The following DNAH7 variants were observed in gnomAD, a reference collection of about 807,000 sequenced individuals.
DNAH7 encodes axonemal beta dynein heavy chain 7.
Under a neutral mutation model 444.6 loss-of-function variants are expected in DNAH7, and 397 were observed. The ratio of observed to expected loss-of-function variants is 0.89; its 90% CI spans 0.82 to 0.97. The LOEUF is 0.97. DNAH7 is among the 50% of genes least tolerant of loss of function. The pLI is 0.00. For missense variants in DNAH7, 4,902 were observed against 4,800.8 expected (o/e 1.02, Z -0.62); for synonymous variants, 1,636 against 1,624.4 (o/e 1.01, Z -0.17).
intron 19 of DNAH7, among the ~76,000 whole-genome samples, chr2:195,946,167 A>G (rs979143743): frequency 6.6e-6 from 1 of 152,190 alleles, no homozygotes; most frequent in Non-Finnish European, 1.5e-5. Context: ...ATACAAACAA[A>G]GTGGGTAGGG....
At chr2:195,817,107 T>C (rs1298077923) in intron 50 of DNAH7, 144 bp from the exon 51 acceptor site, 1 of 626,264 alleles carries the variant, frequency 1.6e-6, no homozygotes, top group Non-Finnish European at 2.7e-6. Flanking sequence ...TGATGCCTTA[T>C]AATTAATTTC....
intron 46 of DNAH7, among the ~76,000 whole-genome samples, chr2:195,846,949 A>ATG (rs35075325): frequency 0.064 from 8,825 of 137,136 alleles, 425 homozygotes; most frequent in East Asian, 0.28. Flanking sequence ...ACTCCCATAT[A>ATG]TGTGTGTGTG....
intron 57 of DNAH7, among the ~76,000 whole-genome samples, chr2:195,790,203 C>T (rs570870948): frequency 2.0e-4 from 30 of 152,184 alleles, no homozygotes; most frequent in African/African-American, 7.0e-4. Flanking sequence ...AAAAACACTC[C>T]ATGCTCATGG....
intron 19 of DNAH7, among the ~76,000 whole-genome samples, chr2:195,948,465 T>C (rs1689978679): frequency 6.6e-6 from 1 of 152,226 alleles, no homozygotes; most frequent in African/African-American, 2.4e-5. Flanking sequence ...AGTTAATTTT[T>C]GTATAAGGTG....
chr2:195,881,241 T>C (rs1273812421), intron 36 of DNAH7, among the ~76,000 whole-genome samples: 1 of 152,172 alleles, frequency 6.6e-6, no homozygotes, highest in Non-Finnish European at 1.5e-5. Context: ...TAGAAACAGG[T>C]ACTGTGGGAG....
At position 195,888,454 on chromosome 2, in the gene DNAH7, T is replaced by A. The variant is rs778042118; in HGVS notation, c.5230-20A>T. 6.4e-7 allele frequency: 1 copy of A among 1,574,532 alleles called. No homozygotes were observed. The highest frequency in any genetic ancestry group is 1.4e-5 in the African/African-American group (1 of 72,058). Reference sequence around the variant, plus strand: ...GGAAACCTGGAAAGCCATAATTGGTTACCATCAAGGTAATAATGCTTATAA... The same window carrying A: ...GGAAACCTGGAAAGCCATAATTGGTAACCATCAAGGTAATAATGCTTATAA... On this transcript the variant is annotated intron_variant, in intron 32 of 64. Transcript: ENST00000312428.
rs377426552 is a variant in DNAH7 at position 195,965,881 on chromosome 2, G to A, written c.2205+4067C>T. ...TTTTTCTTGGGTAGTCTAGTTAAAG[G>A]TTTATCAATTTTATTTTTTCAAAAA... On this transcript the variant is annotated intron_variant, in intron 17 of 64. Transcript: ENST00000312428. 1.9e-4 allele frequency among the ~76,000 whole-genome samples: 29 copies of A among 151,796 alleles called. No individual in the cohort carries two copies. The East Asian group carries it at 5.4e-3, about 28-fold the overall frequency.
rs1257615232 is a variant in DNAH7, at chr2:195,756,018, T to A, written c.11586+115A>T. 8 of 1,076,006 alleles carry A rather than the reference T, an allele frequency of 7.4e-6. No individual in the cohort carries two copies. In the Admixed American group the frequency reaches 2.2e-4, roughly 30 times the overall value. 66.7% of individuals were successfully genotyped at this position (1,076,006 alleles called of 1,614,324 possible). A position where few individuals can be genotyped will look rare whatever the true frequency, so the allele number is the denominator to read the frequency against. ...TATGAAATATTAAGTAGTGGTGATT[T>A]GTGCCTGGGATGCACAGAAAAACTA... On this transcript the variant is annotated intron_variant, in intron 62 of 64. Transcript: ENST00000312428.
chr2:196,014,119 T>C (rs751113673), intron 9 of DNAH7, among the ~76,000 whole-genome samples: 10 of 152,196 alleles, frequency 6.6e-5, no homozygotes, highest in Non-Finnish European at 8.8e-5. Context: ...ATCTGGTCAA[T>C]AGGATGAATT....
chr2:195,978,251 G>C (rs1692332508), intron 15 of DNAH7, among the ~76,000 whole-genome samples: 1 of 152,006 alleles, frequency 6.6e-6, no homozygotes, highest in Admixed American at 6.6e-5. Context: ...AAAGCAGGGG[G>C]ATACAGTCAA....
intron 21 of DNAH7, among the ~76,000 whole-genome samples, chr2:195,932,461 G>A (rs1015068597): frequency 6.6e-6 from 1 of 152,092 alleles, no homozygotes; most frequent in Non-Finnish European, 1.5e-5. Context: ...TGTTGAATAG[G>A]AGTGGTGAGA....
intron 54 of DNAH7, among the ~76,000 whole-genome samples, chr2:195,800,583 T>C (rs1378182687): frequency 6.6e-6 from 1 of 152,194 alleles, no homozygotes; most frequent in South Asian, 2.1e-4. Flanking sequence ...AACGGATCTT[T>C]TTCTACTTCA....
intron 63 of DNAH7, among the ~76,000 whole-genome samples, chr2:195,746,245 CAAAG>C (rs1007814691): frequency 8.6e-5 from 13 of 151,926 alleles, no homozygotes; most frequent in South Asian, 6.3e-4. Flanking sequence ...TCAAAAGAGA[CAAAG>C]AAGGCCATTA....
At chr2:195,750,617 G>A (rs1384332665) in intron 63 of DNAH7, among the ~76,000 whole-genome samples, 7 of 152,202 alleles carry the variant, frequency 4.6e-5, no homozygotes, top group Admixed American at 4.6e-4. Context: ...ATGAGAGCCA[G>A]ATGGCCTGGG....
intron 12 of DNAH7, among the ~76,000 whole-genome samples, chr2:195,989,769 G>C (rs1410965966): frequency 1.3e-5 from 2 of 152,006 alleles, no homozygotes; most frequent in African/African-American, 4.8e-5. Flanking sequence ...AAAGTGTGTG[G>C]TAACTCCCCA....
chr2:196,030,271 TACTC>T (rs1559351745), intron 5 of DNAH7, among the ~76,000 whole-genome samples: 2 of 152,170 alleles, frequency 1.3e-5, no homozygotes, highest in South Asian at 4.1e-4. Context: ...CCATGAGACT[TACTC>T]ACTATCATAG....
rs866130274 is a variant in DNAH7 at position 196,068,536 on chromosome 2, G to C, written c.15+161C>G. The C allele has an allele frequency of 1.2e-5, 11 of 926,604 alleles. No homozygotes were observed. The Middle Eastern group carries it at 6.7e-4, about 56-fold the overall frequency. 57.4% of individuals were successfully genotyped at this position (926,604 alleles called of 1,614,324 possible). On this transcript the variant is annotated intron_variant, in intron 1 of 64. Transcript: ENST00000312428. ...GAAGGGAACTTATAAGGGCATTCAC[G>C]GAAAGCGCTCAGTAACCCAGGCCAC...
intron 12 of DNAH7, among the ~76,000 whole-genome samples, chr2:195,990,036 C>T (rs1559309322): frequency 6.6e-6 from 1 of 152,178 alleles, no homozygotes; most frequent in Non-Finnish European, 1.5e-5. Context: ...ATTATGTGGG[C>T]TCTTTATTCA....
chr2:195,958,262 C>G lies in DNAH7; in HGVS notation c.2892-815G>C, dbSNP rs145503538. 5.7e-3 allele frequency among the ~76,000 whole-genome samples: 869 copies of G among 152,092 alleles called. 25 individuals carry two copies. Among genetic ancestry groups the G allele is most frequent in the Admixed American group, 0.04 (613 of 15,278 alleles). On this transcript the variant is annotated intron_variant, in intron 18 of 64. Coordinates refer to ENST00000312428, the MANE Select transcript of DNAH7 (RefSeq NM_018897.3). ...CTCAGTATACTTGGCATGAAGATGA[C>G]GAGGATGAAGATCTTCATGATGATC...
Sources: allele counts gnomAD v4.1 joint callset (sites outside exome capture counted in the v4.1 genomes callset), GRCh38; gene constraint gnomAD v4.1.1; transcripts MANE v1.5; gene names NCBI Gene and HGNC (gene_info 2026-07-23, HGNC 2026-07-21).